PCDH15: variants seen among roughly 807,000 people sequenced by gnomAD.
The protein encoded by PCDH15 is protocadherin related 15, also known as protocadherin-15.
In PCDH15, 129 loss-of-function variants were observed where a neutral mutation model predicts 178.5. The observed-to-expected ratio is 0.72, with a 90% CI of 0.63 to 0.84. The LOEUF (loss-of-function observed/expected upper bound fraction) is 0.84, where lower values mean the gene tolerates loss of function less well. PCDH15 is among the 40% of genes least tolerant of loss of function. The pLI is 0.00. For synonymous variants in PCDH15, 800 were observed against 732.0 expected (o/e 1.09, Z -1.50); for missense variants, 2,230 against 2,099.9 (o/e 1.06, Z -1.21).
rs1324732057 is a variant in PCDH15, at chr10:53,855,899, G to GATATATATATAT, written c.3806+1275_3806+1276insATATATATATAT. Among the ~76,000 whole-genome samples, 46 of 77,848 alleles carry GATATATATATAT rather than the reference G, an allele frequency of 5.9e-4. 1 individual carries two copies. Among genetic ancestry groups the GATATATATATAT allele is most frequent in the African/African-American group, 3.3e-3 (45 of 13,592 alleles). The allele number at this position is 77,848 out of a possible 152,430, so 51.1% of individuals were successfully genotyped here. ...GAACTTAAAAGTTAAAAAAAAAGGT[G>GATATATATATAT]ATATGTATATATATATATATATGTA... On this transcript the variant is annotated intron_variant, in intron 28 of 37. Transcript: ENST00000644397.
intron 3 of PCDH15, among the ~76,000 whole-genome samples, chr10:54,380,727 T>TAC (rs1270366211): frequency 1.1e-5 from 1 of 91,456 alleles, no homozygotes; most frequent in African/African-American, 4.4e-5. Context: ...TATATATATA[T>TAC]ATATATATAT....
intron 2 of PCDH15, among the ~76,000 whole-genome samples, chr10:55,015,158 G>A (rs1235703269): frequency 1.3e-5 from 2 of 151,992 alleles, no homozygotes; most frequent in African/African-American, 4.8e-5. Context: ...CTACCTGGGA[G>A]GCTGAGGTTG....
intron 2 of PCDH15, among the ~76,000 whole-genome samples, chr10:55,476,341 C>T (rs1840061580): frequency 6.6e-6 from 1 of 151,964 alleles, no homozygotes; most frequent in African/African-American, 2.4e-5. Context: ...AAGTATGAGA[C>T]AAAGCAGCAG....
chr10:55,528,032 C>CA (rs1042849921), intron 2 of PCDH15, among the ~76,000 whole-genome samples: 1 of 151,518 alleles, frequency 6.6e-6, no homozygotes, highest in Non-Finnish European at 1.5e-5. Context: ...TTAGCTTTTA[C>CA]AAAAATTTTT....
At chr10:54,667,663 C>T (rs1232355383) in intron 1 of PCDH15, among the ~76,000 whole-genome samples, 1 of 151,952 alleles carries the variant, frequency 6.6e-6, no homozygotes, top group South Asian at 2.1e-4. Flanking sequence ...CTACAAATCC[C>T]ACATCAAACT....
intron 2 of PCDH15, among the ~76,000 whole-genome samples, chr10:54,637,149 G>A (rs2134843719): frequency 6.6e-6 from 1 of 150,628 alleles, no homozygotes; most frequent in South Asian, 2.1e-4. Context: ...AAACAATTCA[G>A]GGAGGCTAGC....
At chr10:55,247,692 G>A (rs1265436466) in intron 1 of PCDH15, 1 of 151,554 alleles carries the variant, frequency 6.6e-6, no homozygotes, top group Non-Finnish European at 1.5e-5. Context: ...GCCGAAGCAG[G>A]TGATCACTTG....
chr10:55,082,973 C>T (rs1842080176), intron 2 of PCDH15, among the ~76,000 whole-genome samples: 1 of 151,844 alleles, frequency 6.6e-6, no homozygotes, highest in Non-Finnish European at 1.5e-5. Flanking sequence ...AACATTTAAA[C>T]AAGACCTAAT....
chr10:54,735,410 T>C (rs1049988656), intron 1 of PCDH15, among the ~76,000 whole-genome samples: 1 of 151,968 alleles, frequency 6.6e-6, no homozygotes. Context: ...TGTTTTACAC[T>C]GTTGGTGGGA....
chr10:54,612,526 C>T lies in PCDH15; in HGVS notation c.91+51646G>A, dbSNP rs532377464. On this transcript the variant is annotated intron_variant, in intron 2 of 37. Transcript: ENST00000644397. Reference sequence around the variant, plus strand: ...GGACTGGAGGCATAAATGACACTTACTTAGAGATATAACCAGCAAAGTCAA... The same window carrying T: ...GGACTGGAGGCATAAATGACACTTATTTAGAGATATAACCAGCAAAGTCAA... Among the ~76,000 whole-genome samples, 102 of 151,658 alleles carry T rather than the reference C, an allele frequency of 6.7e-4. 1 individual carries two copies. The Middle Eastern group carries it at 0.014, about 20-fold the overall frequency.
intron 26 of PCDH15, among the ~76,000 whole-genome samples, chr10:53,888,289 TAC>T (rs68140125): frequency 0.033 from 1,782 of 54,382 alleles, 90 homozygotes; most frequent in South Asian, 0.063. Context: ...ACACTATATA[TAC>T]ATATATATAT....
At chr10:54,467,730 G>A (rs181360905) in intron 3 of PCDH15, among the ~76,000 whole-genome samples, 14 of 147,314 alleles carry the variant, frequency 9.5e-5, no homozygotes, top group African/African-American at 2.0e-4. Context: ...TTAAAATAAT[G>A]TCAGGAGAAA....
chr10:54,054,059 G>A (rs182485047), intron 18 of PCDH15, among the ~76,000 whole-genome samples: 1 of 152,020 alleles, frequency 6.6e-6, no homozygotes, highest in Non-Finnish European at 1.5e-5. Flanking sequence ...GTTAATTGAG[G>A]TACAGAATTC....
intron 2 of PCDH15, among the ~76,000 whole-genome samples, chr10:55,134,726 G>C (rs1395768140): frequency 6.6e-6 from 1 of 152,242 alleles, no homozygotes; most frequent in South Asian, 2.1e-4. Flanking sequence ...AAAACTGTTG[G>C]GTGGGACTTA....
intron 17 of PCDH15, among the ~76,000 whole-genome samples, chr10:54,070,241 T>A (rs566672290): frequency 6.6e-6 from 1 of 152,248 alleles, no homozygotes; most frequent in Non-Finnish European, 1.5e-5. Flanking sequence ...TATCACTCTG[T>A]CATTCAGGCT....
intron 2 of PCDH15, among the ~76,000 whole-genome samples, chr10:55,345,299 C>G (rs555474054): frequency 5.9e-5 from 9 of 152,046 alleles, no homozygotes; most frequent in African/African-American, 1.4e-4. Flanking sequence ...CCAGTATACC[C>G]ATTCATGGTG....
intron 2 of PCDH15, among the ~76,000 whole-genome samples, chr10:54,533,903 A>G (rs1230946529): frequency 2.0e-5 from 3 of 152,142 alleles, no homozygotes; most frequent in African/African-American, 7.2e-5. Context: ...GGTTGTGAAC[A>G]TGTGCTTTGG....
intron 2 of PCDH15, among the ~76,000 whole-genome samples, chr10:55,526,170 T>A (rs1351234896): frequency 7.9e-5 from 12 of 151,994 alleles, no homozygotes; most frequent in Non-Finnish European, 4.4e-5. Context: ...AAGACAGTGG[T>A]TGTATTTGAC....
chr10:55,439,979 G>T (rs1421671493), intron 2 of PCDH15, among the ~76,000 whole-genome samples: 1 of 152,190 alleles, frequency 6.6e-6, no homozygotes, highest in South Asian at 2.1e-4. Flanking sequence ...TGAGACAAGA[G>T]GTCCGTTGTA....
Sources: gnomAD v4.1 joint callset for allele counts (sites outside exome capture counted in the v4.1 genomes callset) on GRCh38, gnomAD v4.1.1 for gene constraint, MANE v1.5 for transcripts, NCBI Gene and HGNC (gene_info 2026-07-23, HGNC 2026-07-21) for gene names.